The following LRRC28 variants were observed in gnomAD, a reference collection of about 807,000 sequenced individuals.
LRRC28 encodes leucine-rich repeat-containing protein 28.
A neutral mutation model predicts 45.7 loss-of-function variants in LRRC28; 39 were observed. That is an observed-to-expected ratio of 0.85 (90% CI 0.66 to 1.12). LRRC28 has a LOEUF of 1.12. Ranked by LOEUF, LRRC28 falls within the 50% of genes most tolerant of loss-of-function variation. LRRC28 has a pLI of 0.00. For missense variants in LRRC28, 435 were observed against 438.5 expected (o/e 0.99, Z 0.07); for synonymous variants, 206 against 178.8 (o/e 1.15, Z -1.22).
At chr15:99,252,440 A>G (rs1454449517) in intron 1 of LRRC28, among the ~76,000 whole-genome samples, 2 of 152,238 alleles carry the variant, frequency 1.3e-5, no homozygotes, top group Non-Finnish European at 2.9e-5. Context: ...CAGAACATTC[A>G]GAAGGAAAGC....
chr15:99,288,861 G>A (rs556312699), intron 5 of LRRC28, among the ~76,000 whole-genome samples: 5 of 151,752 alleles, frequency 3.3e-5, no homozygotes, highest in Admixed American at 6.6e-5. Flanking sequence ...TGTATTTTTT[G>A]TAGAGACAGG....
At chr15:99,283,041 T>C (rs1399129948) in intron 3 of LRRC28, among the ~76,000 whole-genome samples, 1 of 151,882 alleles carries the variant, frequency 6.6e-6, no homozygotes, top group Non-Finnish European at 1.5e-5. Context: ...TACAGGCATG[T>C]GCCACCATGC....
In LRRC28 at chr15:99,333,903, A is replaced by C. The variant is rs148635767; in HGVS notation, c.386-20A>C. 1.2e-6 allele frequency: 2 copies of C among 1,612,470 alleles called. No individual in the cohort carries two copies. The highest frequency in any genetic ancestry group is 1.7e-5 in the Admixed American group (1 of 59,964). On this transcript the variant is annotated intron_variant, in intron 5 of 9. Coordinates refer to ENST00000301981, the MANE Select transcript of LRRC28 (RefSeq NM_144598.5). ...AGTTCATAAGGATGCAATTTATCCT[A>C]ATTTTGATTTTGGTTGTAGAGGTTG...
intron 5 of LRRC28, among the ~76,000 whole-genome samples, chr15:99,332,841 G>A (rs8025443): frequency 0.022 from 3,411 of 152,214 alleles, 124 homozygotes; most frequent in African/African-American, 0.077. Context: ...ACTGGAATGT[G>A]CACAGAGGGG....
At chr15:99,362,799 T>C (rs1299046311) in intron 8 of LRRC28, among the ~76,000 whole-genome samples, 1 of 152,194 alleles carries the variant, frequency 6.6e-6, no homozygotes, top group Non-Finnish European at 1.5e-5. Flanking sequence ...TTTGGGTGAA[T>C]TATTCCTTTT....
At chr15:99,354,482 A>G (rs531551686) in intron 7 of LRRC28, among the ~76,000 whole-genome samples, 26 of 152,296 alleles carry the variant, frequency 1.7e-4, no homozygotes, top group African/African-American at 6.3e-4. Context: ...TAGTAGCACA[A>G]GGGCCTGGGG....
chr15:99,389,396 A>G lies in LRRC28; in HGVS notation c.*3294A>G, dbSNP rs772449583. 2 of 152,230 alleles carry G rather than the reference A, an allele frequency of 1.3e-5. No homozygotes were observed. Among genetic ancestry groups the G allele is most frequent in the Non-Finnish European group, 2.9e-5 (2 of 68,032 alleles). The allele number at this position is 152,230 out of a possible 1,614,324, so 9.4% of individuals were successfully genotyped here. A position where few individuals can be genotyped will look rare whatever the true frequency, so the allele number is the denominator to read the frequency against. ...TAGTCTGTGGGGACTTTCAAAGCCA[A>G]TTTTTAAAATTAGTAGTAGTAAAGG... On this transcript the variant is annotated 3_prime_UTR_variant, in exon 10 of 10. Transcript: ENST00000301981.
intron 7 of LRRC28, among the ~76,000 whole-genome samples, chr15:99,360,258 T>C (rs145090680): frequency 6.6e-6 from 1 of 152,232 alleles, no homozygotes; most frequent in African/African-American, 2.4e-5. Context: ...CTGCTTGGAA[T>C]GCTCATAACA....
At chr15:99,314,746 A>G (rs1463739100) in intron 5 of LRRC28, among the ~76,000 whole-genome samples, 1 of 152,056 alleles carries the variant, frequency 6.6e-6, no homozygotes, top group Non-Finnish European at 1.5e-5. Flanking sequence ...GTTCCTCTAT[A>G]AGATGTTTGA....
intron 3 of LRRC28, among the ~76,000 whole-genome samples, chr15:99,281,537 G>A (rs140388883): frequency 3.9e-4 from 59 of 152,166 alleles, no homozygotes; most frequent in African/African-American, 1.3e-3. Flanking sequence ...TTAATGTCCT[G>A]TTTGCTAATT....
At chr15:99,320,209 G>A (rs1955746449) in intron 5 of LRRC28, among the ~76,000 whole-genome samples, 1 of 152,048 alleles carries the variant, frequency 6.6e-6, no homozygotes, top group Admixed American at 6.6e-5. Context: ...ATTTTTTTAA[G>A]TTCTTCTTGT....
chr15:99,258,093 A>G lies in LRRC28; in HGVS notation c.168+1968A>G, dbSNP rs2081078802. 5.2e-6 allele frequency: 8 copies of G among 1,547,380 alleles called. No homozygotes were observed. In the African/African-American group the frequency reaches 5.4e-5, roughly 11 times the overall value. ...ACTGGTGTAGGAATGACCAGAGAAG[A>G]GTTGGTTAAAAACCTTGGTACCATA... On this transcript the variant is annotated intron_variant, in intron 2 of 9. Coordinates refer to ENST00000301981, the MANE Select transcript of LRRC28 (RefSeq NM_144598.5).
chr15:99,304,207 A>G (rs1955094136), intron 5 of LRRC28, among the ~76,000 whole-genome samples: 1 of 152,210 alleles, frequency 6.6e-6, no homozygotes, highest in Non-Finnish European at 1.5e-5. Context: ...CAATGACCAT[A>G]TGGTTTGCAA....
At chr15:99,336,532 G>A (rs1037031703) in intron 6 of LRRC28, among the ~76,000 whole-genome samples, 2 of 152,126 alleles carry the variant, frequency 1.3e-5, no homozygotes, top group Non-Finnish European at 2.9e-5. Context: ...GCCATTTTGG[G>A]CTCAAGATAC....
intron 5 of LRRC28, among the ~76,000 whole-genome samples, chr15:99,329,747 G>GT (rs1249150292): frequency 1.3e-5 from 2 of 152,158 alleles, no homozygotes; most frequent in East Asian, 3.8e-4. Context: ...ACCCATCATA[G>GT]TTTTTCATTG....
rs1390553695 is a variant in LRRC28 at position 99,257,629 on chromosome 15, T to G, written c.168+1504T>G. The G allele has an allele frequency of 2.9e-5, 20 of 699,490 alleles. No individual in the cohort carries two copies. In the East Asian group the frequency reaches 5.4e-4, roughly 19 times the overall value. The allele number at this position is 699,490 out of a possible 1,614,324, so 43.3% of individuals were successfully genotyped here. On this transcript the variant is annotated intron_variant, in intron 2 of 9. Coordinates refer to ENST00000301981, the MANE Select transcript of LRRC28 (RefSeq NM_144598.5). ...GACTTGAGACTCACCAGCCACAAGC[T>G]GTGAAGGCCCTGTGGGTGCTGGGGC...
At chr15:99,302,407 G>T (rs1210794168) in intron 5 of LRRC28, among the ~76,000 whole-genome samples, 1 of 150,948 alleles carries the variant, frequency 6.6e-6, no homozygotes, top group African/African-American at 2.4e-5. Context: ...TTTGAGATGG[G>T]CAATAAGTTT....
rs950025722 is a variant in LRRC28, at chr15:99,334,241, C to T, written c.592+112C>T. 2.4e-6 allele frequency: 3 copies of T among 1,228,676 alleles called. No homozygotes were observed. The African/African-American group carries it at 4.5e-5, about 18-fold the overall frequency. 76.1% of individuals were successfully genotyped at this position (1,228,676 alleles called of 1,614,324 possible). On this transcript the variant is annotated intron_variant, in intron 6 of 9. Coordinates refer to ENST00000301981, the MANE Select transcript of LRRC28 (RefSeq NM_144598.5). ...TTCCTTCTGTTTATCTTGACGATTG[C>T]TTCTCTAAGTTTGTTTTTGCAGTGA...
chr15:99,318,062 G>A (rs552394549), intron 5 of LRRC28, among the ~76,000 whole-genome samples: 2 of 152,060 alleles, frequency 1.3e-5, no homozygotes, highest in Admixed American at 6.5e-5. Flanking sequence ...GAAGAAATAC[G>A]TTTTTATGTG....
Sources: allele counts gnomAD v4.1 joint callset (sites outside exome capture counted in the v4.1 genomes callset), GRCh38; gene constraint gnomAD v4.1.1; transcripts MANE v1.5; gene names NCBI Gene and HGNC (gene_info 2026-07-23, HGNC 2026-07-21).